The following CACNB4 variants were observed in gnomAD, a reference collection of about 807,000 sequenced individuals.
CACNB4 encodes the protein voltage-dependent L-type calcium channel subunit beta-4.
Under a neutral mutation model 71.2 loss-of-function variants are expected in CACNB4, and 32 were observed. The observed-to-expected ratio is 0.45, with a 90% CI of 0.34 to 0.60. CACNB4 has a LOEUF of 0.60. Among genes scored for constraint, CACNB4 ranks in the 20% least tolerant of loss-of-function variants. The probability of loss-of-function intolerance (pLI) is 0.01; values close to 1 mark genes in which losing one functional copy is unlikely to be tolerated. For missense variants in CACNB4, 464 were observed against 647.9 expected, an observed-to-expected ratio of 0.72 and a Z score of 3.08; for synonymous variants, 231 against 236.9, an observed-to-expected ratio of 0.97 and a Z score of 0.23.
At chr2:151,900,273 T>C (rs951072140) in intron 2 of CACNB4, among the ~76,000 whole-genome samples, 8 of 152,190 alleles carry the variant, frequency 5.3e-5, no homozygotes, top group Non-Finnish European at 1.2e-4. Context: ...AGTTCAGTGC[T>C]GAACTATGTC....
At chr2:151,860,379 AG>A (rs553277707) in intron 10 of CACNB4, 5 of 312,104 alleles carry the variant, frequency 1.6e-5, no homozygotes, top group African/African-American at 1.1e-4. Context: ...GCTGTGACTC[AG>A]GTATGACAGA....
At chr2:151,870,303 G>A (rs1443015589) in intron 8 of CACNB4, 2 of 703,072 alleles carry the variant, frequency 2.8e-6, no homozygotes, top group East Asian at 2.7e-5. Flanking sequence ...AATATTTTGA[G>A]GGAGGTATTT....
At chr2:152,022,147 A>G (rs1239651830) in intron 2 of CACNB4, among the ~76,000 whole-genome samples, 1 of 152,204 alleles carries the variant, frequency 6.6e-6, no homozygotes, top group Non-Finnish European at 1.5e-5. Flanking sequence ...ATTGCCTATT[A>G]CTTGCATCTC....
intron 2 of CACNB4, among the ~76,000 whole-genome samples, chr2:152,092,646 A>G (rs1688038099): frequency 6.6e-6 from 1 of 151,988 alleles, no homozygotes; most frequent in African/African-American, 2.4e-5. Context: ...TTTCAAATGA[A>G]TGTCTTAAAT....
At chr2:151,878,636 C>T (rs1297910969) in intron 4 of CACNB4, among the ~76,000 whole-genome samples, 1 of 35,604 alleles carries the variant, frequency 2.8e-5, no homozygotes. Context: ...CAATACTACA[C>T]CATTAGCTAG....
chr2:152,045,429 C>G lies in CACNB4; in HGVS notation c.147+52901G>C, dbSNP rs543247373. ...CGTGAAATAAGCAGTCACAAAAGGA[C>G]AAATATTGTGTGATTCCATTTATAT... On this transcript the variant is annotated intron_variant, in intron 2 of 13. Transcript: ENST00000539935. Among the ~76,000 whole-genome samples, 4 of 152,198 alleles carry G rather than the reference C, an allele frequency of 2.6e-5. No homozygotes were observed. The South Asian group carries it at 8.3e-4, about 32-fold the overall frequency.
At chr2:151,899,180 G>A (rs1331063364) in intron 2 of CACNB4, among the ~76,000 whole-genome samples, 1 of 152,190 alleles carries the variant, frequency 6.6e-6, no homozygotes, top group Non-Finnish European at 1.5e-5. Flanking sequence ...ACTGGCTAGT[G>A]GGAACAAGAG....
At chr2:152,047,558 C>A (rs780305189) in intron 2 of CACNB4, among the ~76,000 whole-genome samples, 1 of 152,188 alleles carries the variant, frequency 6.6e-6, no homozygotes, top group Non-Finnish European at 1.5e-5. Flanking sequence ...ATGCTTGTAA[C>A]TTCTGCTTTC....
chr2:152,023,555 C>T (rs1318482522), intron 2 of CACNB4, among the ~76,000 whole-genome samples: 1 of 152,134 alleles, frequency 6.6e-6, no homozygotes, highest in Non-Finnish European at 1.5e-5. Context: ...CTGCCTCAGC[C>T]TCCCAAGTAG....
rs761329899 is a variant in CACNB4 at position 152,005,532 on chromosome 2, A to AG, written c.147+92797dup. ...ATGGAGACTTCAAAAGGAGGGAGTG[A>AG]GGGGGGCGGAAAAACTTCCTATTGG... On this transcript the variant is annotated intron_variant, in intron 2 of 13. Transcript: ENST00000539935. Among the ~76,000 whole-genome samples, 388 of 152,222 alleles carry AG rather than the reference A, an allele frequency of 2.5e-3. 1 individual carries two copies. The highest frequency in any genetic ancestry group is 2.6e-3 in the Non-Finnish European group (177 of 68,004).
chr2:152,039,851 A>G (rs1236903105), intron 2 of CACNB4, among the ~76,000 whole-genome samples: 1 of 152,144 alleles, frequency 6.6e-6, no homozygotes, highest in Non-Finnish European at 1.5e-5. Flanking sequence ...GGAAAATAAC[A>G]TCTATTTTTC....
At chr2:151,989,195 T>G (rs954785362) in intron 2 of CACNB4, among the ~76,000 whole-genome samples, 3 of 152,236 alleles carry the variant, frequency 2.0e-5, no homozygotes, top group African/African-American at 7.2e-5. Flanking sequence ...CACCTCTCTT[T>G]GAGCTGTTAG....
chr2:152,035,787 A>G (rs1423500908), intron 2 of CACNB4, among the ~76,000 whole-genome samples: 3 of 152,144 alleles, frequency 2.0e-5, no homozygotes, highest in Non-Finnish European at 4.4e-5. Context: ...CAAGCATTTG[A>G]GTTTAAAACT....
intron 2 of CACNB4, among the ~76,000 whole-genome samples, chr2:152,009,793 G>A (rs1682956370): frequency 6.6e-6 from 1 of 152,208 alleles, no homozygotes; most frequent in South Asian, 2.1e-4. Flanking sequence ...TCTGAGGTCA[G>A]TTTGGCCTCC....
chr2:151,927,230 TAAG>T (rs1450299200), intron 2 of CACNB4, among the ~76,000 whole-genome samples: 1 of 152,124 alleles, frequency 6.6e-6, no homozygotes, highest in Non-Finnish European at 1.5e-5. Context: ...GTATTGCAGA[TAAG>T]AATGATTCAG....
At chr2:152,081,162 AT>A (rs1319361414) in intron 2 of CACNB4, among the ~76,000 whole-genome samples, 2 of 152,246 alleles carry the variant, frequency 1.3e-5, no homozygotes, top group African/African-American at 4.8e-5. Flanking sequence ...AAAGCAGGAT[AT>A]AAATATAATG....
At chr2:151,922,035 C>T (rs868075225) in intron 2 of CACNB4, among the ~76,000 whole-genome samples, 1 of 152,002 alleles carries the variant, frequency 6.6e-6, no homozygotes, top group Admixed American at 6.6e-5. Context: ...ATACAATATT[C>T]AAAAAAGTAA....
chr2:152,038,042 T>C (rs925815263), intron 2 of CACNB4, among the ~76,000 whole-genome samples: 4 of 152,126 alleles, frequency 2.6e-5, no homozygotes, highest in Non-Finnish European at 2.9e-5. Context: ...CCAGGAAAAC[T>C]GGGGAGGATC....
At chr2:152,068,529 T>C (rs146175000) in intron 2 of CACNB4, among the ~76,000 whole-genome samples, 1,645 of 152,226 alleles carry the variant, frequency 0.011, 19 homozygotes, top group Middle Eastern at 0.034. Flanking sequence ...GGCTACAAAA[T>C]GCTAAGTTGG....
Sources: gnomAD v4.1 joint callset for allele counts (sites outside exome capture counted in the v4.1 genomes callset) on GRCh38, gnomAD v4.1.1 for gene constraint, MANE v1.5 for transcripts, NCBI Gene and HGNC (gene_info 2026-07-23, HGNC 2026-07-21) for gene names.